TP53BP1: variants seen among roughly 807,000 people sequenced by gnomAD.
TP53BP1 encodes tumor protein p53 binding protein 1, also known as TP53-binding protein 1.
In TP53BP1, 61 loss-of-function variants were observed where a neutral mutation model predicts 200.8. The observed-to-expected ratio is 0.30, with a 90% CI of 0.25 to 0.38. The LOEUF (loss-of-function observed/expected upper bound fraction) is 0.38, where lower values mean the gene tolerates loss of function less well. TP53BP1 is among the 10% of genes least tolerant of loss of function. TP53BP1 has a pLI of 1.00. For missense variants in TP53BP1, 2,144 were observed against 2,371.9 expected (o/e 0.90, Z 2.00); for synonymous variants, 822 against 844.3 (o/e 0.97, Z 0.46).
chr15:43,475,800 A>T (rs771187873), intron 8 of TP53BP1, 106 bp from the exon 9 acceptor site: 1 of 1,371,396 alleles, frequency 7.3e-7, no homozygotes, highest in Non-Finnish European at 1.0e-6. Context: ...ACATATTTCC[A>T]TATTTCCAAA....
At chr15:43,448,416 A>G (rs546970978) in intron 12 of TP53BP1, among the ~76,000 whole-genome samples, 7 of 152,296 alleles carry the variant, frequency 4.6e-5, no homozygotes, top group African/African-American at 1.7e-4. Flanking sequence ...CAAAATAACT[A>G]TAATCTGGCA....
chr15:43,448,267 C>T (rs759677399), intron 12 of TP53BP1, among the ~76,000 whole-genome samples: 10 of 151,954 alleles, frequency 6.6e-5, no homozygotes, highest in African/African-American at 1.2e-4. Flanking sequence ...ACTAGAAAAC[C>T]GTCAAAAAAT....
At chr15:43,478,958 C>CCCAGCA (rs1227704421) in intron 7 of TP53BP1, among the ~76,000 whole-genome samples, 1 of 152,180 alleles carries the variant, frequency 6.6e-6, no homozygotes, top group Admixed American at 6.5e-5. Flanking sequence ...CGCCTATAAT[C>CCCAGCA]CCAGCACTTT....
chr15:43,422,190 G>A lies in TP53BP1; in HGVS notation c.3829-64C>T, dbSNP rs1175642703. The A allele has an allele frequency of 2.4e-5, 37 of 1,540,052 alleles. No homozygotes were observed. The East Asian group carries it at 8.3e-4, about 35-fold the overall frequency. On this transcript the variant is annotated intron_variant, in intron 18 of 27. Coordinates refer to ENST00000382044, the MANE Select transcript of TP53BP1 (RefSeq NM_001141980.3). ...ATAATAACACAATGCTAATATGATG[G>A]TTGGAAAATCCTACAGATGGCACAA...
At chr15:43,464,996 C>CA (rs997049052) in intron 11 of TP53BP1, among the ~76,000 whole-genome samples, 2 of 151,426 alleles carry the variant, frequency 1.3e-5, no homozygotes, top group African/African-American at 2.4e-5. Flanking sequence ...TAGATCAATA[C>CA]AAAAAAAGGA....
rs1414343302 is a variant in TP53BP1, at chr15:43,408,028, C to T, written c.5661G>A (p.Gln1887=). The T allele has an allele frequency of 6.2e-7, 1 of 1,614,146 alleles. No individual in the cohort carries two copies. The highest frequency in any genetic ancestry group is 1.1e-5 in the South Asian group (1 of 91,082). Residue 1887 remains glutamine (Q), a synonymous_variant, in exon 27 of 28, where the codon CAG becomes CAA. Coordinates refer to ENST00000382044, the MANE Select transcript of TP53BP1 (RefSeq NM_001141980.3). ...TCTCAGACCAGAGCTCCAGGAAGTT[C>T]TGCTGTTGGTCTGATACCAAGAGTA... ...LKVLLVSDQQ[Q]NFLELWSEIL...
chr15:43,470,009 T>C lies in TP53BP1; in HGVS notation c.1238A>G (p.Lys413Arg), dbSNP rs2046686204. 6.2e-7 allele frequency: 1 copy of C among 1,613,618 alleles called. No homozygotes were observed. The highest frequency in any genetic ancestry group is 8.5e-7 in the Non-Finnish European group (1 of 1,180,024). ...SEEGGEPFQK[K>R]LQSGEPVELE... The stretch of plus-strand genomic sequence containing the variant: ...CTCCACTGGTTCACCACTTTGAAGT[T>C]TCTTCTGAAAAGGCTCTCCTCCTTC... The change falls in exon 11 of 28, where the codon AAA becomes AGA. Residue 413 changes from lysine to arginine, a missense_variant. Transcript: ENST00000382044.
chr15:43,488,906 T>G (rs147308133), intron 4 of TP53BP1, among the ~76,000 whole-genome samples: 2 of 151,766 alleles, frequency 1.3e-5, no homozygotes, highest in Admixed American at 1.3e-4. Flanking sequence ...AAAAAAAAAG[T>G]GTTTTGAAGA....
In TP53BP1 at chr15:43,465,292, T is replaced by C. The variant is rs1227983948; in HGVS notation, c.1389+4566A>G. ...GGGTTTTGAGGAGGTGATGAAACTA[T>C]TCTGAAATTAGATCATGGTGATGGT... is the stretch of plus-strand genomic sequence containing the variant. On this transcript the variant is annotated intron_variant, in intron 11 of 27. Transcript: ENST00000382044. Among the ~76,000 whole-genome samples the C allele has an allele frequency of 2.0e-5, 3 of 152,114 alleles. No homozygotes were observed. The East Asian group carries it at 5.8e-4, about 29-fold the overall frequency.
At chr15:43,408,414 G>A (rs967919847) in intron 26 of TP53BP1, 1 of 286,736 alleles carries the variant, frequency 3.5e-6, no homozygotes, top group South Asian at 4.3e-5. Flanking sequence ...CTGGGAGGTT[G>A]AGGCTGCAGT....
intron 12 of TP53BP1, among the ~76,000 whole-genome samples, chr15:43,451,291 G>A (rs936613967): frequency 6.6e-5 from 10 of 151,526 alleles, no homozygotes; most frequent in South Asian, 2.1e-4. Context: ...CCATCAACTC[G>A]TCATTTAGCA....
chr15:43,414,310 G>A (rs2045208450), intron 23 of TP53BP1, among the ~76,000 whole-genome samples: 1 of 152,190 alleles, frequency 6.6e-6, no homozygotes, highest in African/African-American at 2.4e-5. Flanking sequence ...ACTTCATAAG[G>A]ATTGTATGTG....
At chr15:43,458,256 A>C (rs1369412017) in intron 11 of TP53BP1, among the ~76,000 whole-genome samples, 2 of 151,422 alleles carry the variant, frequency 1.3e-5, no homozygotes, top group Admixed American at 1.3e-4. Flanking sequence ...ACATGGTGAA[A>C]CCCCATCTCT....
At chr15:43,411,635 T>G (rs2045119448) in intron 24 of TP53BP1, among the ~76,000 whole-genome samples, 1 of 152,268 alleles carries the variant, frequency 6.6e-6, no homozygotes, top group Non-Finnish European at 1.5e-5. Context: ...CTGGTACTGT[T>G]GGGCTGCGCC....
In TP53BP1 at chr15:43,456,118, A is replaced by C; in HGVS notation, c.2490T>G (p.Pro830=). The change falls in exon 12 of 28, where the codon CCT becomes CCG. Residue 830 remains proline (P), a synonymous_variant. Transcript: ENST00000382044. The part of the protein sequence containing the change: ...DLKSGTAETE[P]VEQDSSQPSL... ...AAGGCTGTGAAGAATCTTGCTCTACAGGTTCTGTTTCTGCAGTCCCTGATT... is the reference window on the plus strand; with the variant it reads ...AAGGCTGTGAAGAATCTTGCTCTACCGGTTCTGTTTCTGCAGTCCCTGATT... The C allele has an allele frequency of 6.2e-7, 1 of 1,614,220 alleles. No individual in the cohort carries two copies. The highest frequency in any genetic ancestry group is 8.5e-7 in the Non-Finnish European group (1 of 1,180,038).
chr15:43,462,433 A>T (rs904142464), intron 11 of TP53BP1, among the ~76,000 whole-genome samples: 3 of 151,866 alleles, frequency 2.0e-5, no homozygotes, highest in Non-Finnish European at 4.4e-5. Context: ...GCTCCCCAGC[A>T]CCAGGAGCTG....
At chr15:43,447,145 TCTTTCTTTCTTACTTCCCTCCACC>T in intron 13 of TP53BP1, 197 bp downstream of exon 13, 2 of 539,800 alleles carry the variant, frequency 3.7e-6, no homozygotes. Flanking sequence ...TTAAGTATTC[TCTTTCTTTCTTACTTCCCTCCACC>T]CTTTCTTTCC....
At position 43,406,842 on chromosome 15, in the gene TP53BP1, G is replaced by A. The variant is rs191815602; in HGVS notation, c.*541C>T. 3.6e-4 allele frequency: 117 copies of A among 321,346 alleles called. No individual in the cohort carries two copies. The highest frequency in any genetic ancestry group is 2.3e-3 in the African/African-American group (105 of 46,016). The allele number at this position is 321,346 out of a possible 1,614,324, so 19.9% of individuals were successfully genotyped here. A position where few individuals can be genotyped will look rare whatever the true frequency, so the allele number is the denominator to read the frequency against. On this transcript the variant is annotated 3_prime_UTR_variant, in exon 28 of 28. Coordinates refer to ENST00000382044, the MANE Select transcript of TP53BP1 (RefSeq NM_001141980.3). Reference sequence around the variant, plus strand: ...TCCCTTCATGGCAGTTGGTCCTTTCGTTCTCCCTTTAGCTCTAAGAGTTGG... The same window carrying A: ...TCCCTTCATGGCAGTTGGTCCTTTCATTCTCCCTTTAGCTCTAAGAGTTGG...
chr15:43,415,410 T>C (rs1034010556), intron 23 of TP53BP1, 184 bp downstream of exon 23: 11 of 719,998 alleles, frequency 1.5e-5, no homozygotes, highest in African/African-American at 1.0e-4. Flanking sequence ...CTAGAGTCTG[T>C]AGGGGATGGG....
Sources: allele counts gnomAD v4.1 joint callset (sites outside exome capture counted in the v4.1 genomes callset), GRCh38; gene constraint gnomAD v4.1.1; transcripts MANE v1.5; gene names NCBI Gene and HGNC (gene_info 2026-07-23, HGNC 2026-07-21).